Variants in FGGY observed in about 807,000 individuals in gnomAD.
The protein encoded by FGGY is FGGY carbohydrate kinase domain containing, also known as FGGY carbohydrate kinase domain-containing protein.
Under a neutral mutation model 71.3 loss-of-function variants are expected in FGGY, and 72 were observed. That is an observed-to-expected ratio of 1.01 (90% CI 0.84 to 1.23). The LOEUF (loss-of-function observed/expected upper bound fraction) is 1.23, where lower values mean the gene tolerates loss of function less well. FGGY is among the 50% of genes most tolerant of loss of function. The pLI is 0.00. For missense variants in FGGY, 668 were observed against 682.3 expected (o/e 0.98, Z 0.23); for synonymous variants, 251 against 250.3 (o/e 1.00, Z -0.02).
intron 4 of FGGY, among the ~76,000 whole-genome samples, chr1:59,370,700 C>T (rs11590659): frequency 0.29 from 43,095 of 149,916 alleles, 6,197 homozygotes; most frequent in East Asian, 0.41. Flanking sequence ...AGACTAACAG[C>T]GGATCTCTTG....
At chr1:59,547,681 T>G (rs1257633112) in intron 7 of FGGY, among the ~76,000 whole-genome samples, 1 of 152,228 alleles carries the variant, frequency 6.6e-6, no homozygotes, top group Non-Finnish European at 1.5e-5. Context: ...TCAAGGATCT[T>G]AGAACCTTTA....
chr1:59,395,080 C>G (rs1256606430), intron 5 of FGGY, among the ~76,000 whole-genome samples: 1 of 152,068 alleles, frequency 6.6e-6, no homozygotes, highest in Non-Finnish European at 1.5e-5. Flanking sequence ...CAGTTACACA[C>G]TACTGTTTCA....
intron 7 of FGGY, among the ~76,000 whole-genome samples, chr1:59,545,252 A>G (rs2095503222): frequency 1.3e-5 from 2 of 152,320 alleles, no homozygotes; most frequent in East Asian, 1.9e-4. Flanking sequence ...TAATCAATTT[A>G]TAAATTTTCA....
chr1:59,307,917 C>G (rs535053479), intron 1 of FGGY, among the ~76,000 whole-genome samples: 1 of 152,250 alleles, frequency 6.6e-6, no homozygotes, highest in South Asian at 2.1e-4. Context: ...TCAAGAACAA[C>G]TTATCCTTGT....
chr1:59,595,887 C>T lies in FGGY; in HGVS notation c.904-11916C>T, dbSNP rs140360162. Among the ~76,000 whole-genome samples, 170 of 152,230 alleles carry T rather than the reference C, an allele frequency of 1.1e-3. 2 individuals carry two copies. The highest frequency in any genetic ancestry group is 6.0e-3 in the South Asian group (29 of 4,820). ...GCCTATTCCAAGGGTTAAAATCAGG[C>T]CTGCTTCACATCGAAGGCATTTTGT... On this transcript the variant is annotated intron_variant, in intron 8 of 15. Transcript: ENST00000303721.
At chr1:59,653,087 A>T (rs930709093) in intron 11 of FGGY, among the ~76,000 whole-genome samples, 1 of 152,172 alleles carries the variant, frequency 6.6e-6, no homozygotes, top group African/African-American at 2.4e-5. Context: ...TCAGCGACCC[A>T]CTTGAGGAGG....
At chr1:59,491,814 T>G (rs1324057471) in intron 6 of FGGY, among the ~76,000 whole-genome samples, 1 of 152,124 alleles carries the variant, frequency 6.6e-6, no homozygotes, top group Non-Finnish European at 1.5e-5. Flanking sequence ...CAATAAGATA[T>G]GAATATTTGA....
intron 6 of FGGY, among the ~76,000 whole-genome samples, chr1:59,503,550 G>T (rs1365314871): frequency 6.9e-6 from 1 of 145,014 alleles, no homozygotes; most frequent in Non-Finnish European, 1.5e-5. Flanking sequence ...CCTGCTGGTG[G>T]TCACCTATTT....
chr1:59,515,988 C>T (rs72666226), intron 7 of FGGY, among the ~76,000 whole-genome samples: 7,727 of 152,214 alleles, frequency 0.051, 251 homozygotes, highest in East Asian at 0.13. Context: ...AACTTAGATG[C>T]CAGCAGTGGC....
chr1:59,578,231 C>A (rs1315284905), intron 8 of FGGY, among the ~76,000 whole-genome samples: 4 of 152,040 alleles, frequency 2.6e-5, no homozygotes, highest in Non-Finnish European at 5.9e-5. Flanking sequence ...ACTAGAGGAG[C>A]AGAATGATCC....
chr1:59,493,738 G>C (rs1459589932), intron 6 of FGGY, among the ~76,000 whole-genome samples: 1 of 152,136 alleles, frequency 6.6e-6, no homozygotes, highest in African/African-American at 2.4e-5. Flanking sequence ...CATGATGTGT[G>C]AATGTACTTA....
At chr1:59,447,639 A>C (rs2071600143) in intron 5 of FGGY, among the ~76,000 whole-genome samples, 2 of 152,098 alleles carry the variant, frequency 1.3e-5, no homozygotes, top group African/African-American at 4.8e-5. Flanking sequence ...TGCTGTTCTT[A>C]TGGTAGTGAA....
At chr1:59,575,163 T>C (rs558309920) in intron 8 of FGGY, among the ~76,000 whole-genome samples, 14 of 152,306 alleles carry the variant, frequency 9.2e-5, no homozygotes, top group South Asian at 2.1e-4. Flanking sequence ...ATACAATACA[T>C]TTTTATTAAC....
intron 14 of FGGY, among the ~76,000 whole-genome samples, chr1:59,745,751 G>A (rs1448760169): frequency 2.0e-5 from 3 of 152,184 alleles, no homozygotes; most frequent in Non-Finnish European, 4.4e-5. Flanking sequence ...AAAGATGATG[G>A]ACTCTAAGCT....
At chr1:59,589,946 A>G (rs12090646) in intron 8 of FGGY, among the ~76,000 whole-genome samples, 4,040 of 152,236 alleles carry the variant, frequency 0.027, 180 homozygotes, top group African/African-American at 0.093. Flanking sequence ...TCACAGCAGA[A>G]CTGAAGGAAA....
intron 5 of FGGY, among the ~76,000 whole-genome samples, chr1:59,401,983 G>T (rs1409944911): frequency 1.3e-5 from 2 of 152,108 alleles, no homozygotes; most frequent in Non-Finnish European, 2.9e-5. Context: ...TCCTTGTCTT[G>T]GGCATACTAT....
At chr1:59,335,924 G>A (rs1004356800) in intron 2 of FGGY, among the ~76,000 whole-genome samples, 7 of 151,946 alleles carry the variant, frequency 4.6e-5, no homozygotes, top group African/African-American at 1.7e-4. Context: ...TGTGTTGTTT[G>A]CAAATATTTT....
intron 14 of FGGY, among the ~76,000 whole-genome samples, chr1:59,694,402 T>A (rs2097635271): frequency 6.6e-6 from 1 of 152,122 alleles, no homozygotes; most frequent in Non-Finnish European, 1.5e-5. Flanking sequence ...TTTTGGTCAG[T>A]TCGTGGACTG....
chr1:59,546,520 GATGATGATGATGATGATT>G (rs910182630), intron 7 of FGGY, among the ~76,000 whole-genome samples: 6 of 82,992 alleles, frequency 7.2e-5, no homozygotes, highest in South Asian at 3.9e-4. Flanking sequence ...TGATGATGAT[GATGATGATGATGATGATT>G]ATTATTATTA....
Sources: allele counts gnomAD v4.1 joint callset (sites outside exome capture counted in the v4.1 genomes callset), GRCh38; gene constraint gnomAD v4.1.1; transcripts MANE v1.5; gene names NCBI Gene and HGNC (gene_info 2026-07-23, HGNC 2026-07-21).